Variants in PTPRD observed in about 807,000 individuals in gnomAD.
PTPRD encodes the protein receptor-type tyrosine-protein phosphatase delta.
A neutral mutation model predicts 214.5 loss-of-function variants in PTPRD; 34 were observed. The ratio of observed to expected loss-of-function variants is 0.16; its 90% CI spans 0.12 to 0.21. The LOEUF (loss-of-function observed/expected upper bound fraction) is 0.21. Among genes scored for constraint, PTPRD ranks in the 10% least tolerant of loss-of-function variants. The pLI is 1.00. For missense variants in PTPRD, 2,545 were observed against 2,398.7 expected (o/e 1.06, Z -1.27); for synonymous variants, 1,128 against 845.7 (o/e 1.33, Z -5.79).
chr9:9,667,379 A>C (rs1010417324), intron 7 of PTPRD, among the ~76,000 whole-genome samples: 2 of 152,132 alleles, frequency 1.3e-5, no homozygotes, highest in Non-Finnish European at 2.9e-5. Flanking sequence ...GTGCTCAACT[A>C]CTGAATAGGC....
intron 8 of PTPRD, among the ~76,000 whole-genome samples, chr9:9,553,848 T>G (rs728936): frequency 0.16 from 24,790 of 151,962 alleles, 2,206 homozygotes; most frequent in Middle Eastern, 0.2. Context: ...CATTCTCACG[T>G]ATCAGTTACT....
chr9:9,041,175 A>T (rs1590317232), intron 10 of PTPRD, among the ~76,000 whole-genome samples: 1 of 147,710 alleles, frequency 6.8e-6, no homozygotes, highest in Non-Finnish European at 1.5e-5. Context: ...TGAAAATATT[A>T]AAAAAATATA....
At chr9:9,491,897 C>T (rs2154210340) in intron 8 of PTPRD, among the ~76,000 whole-genome samples, 1 of 151,798 alleles carries the variant, frequency 6.6e-6, no homozygotes, top group South Asian at 2.1e-4. Flanking sequence ...CAGTAAAGAG[C>T]AGAGATCAAT....
At chr9:10,312,467 G>A (rs915342387) in intron 3 of PTPRD, among the ~76,000 whole-genome samples, 2 of 151,694 alleles carry the variant, frequency 1.3e-5, no homozygotes, top group Non-Finnish European at 2.9e-5. Flanking sequence ...GATTAGAAAC[G>A]GATTTTCAAT....
intron 11 of PTPRD, among the ~76,000 whole-genome samples, chr9:8,857,116 TC>T (rs1231480547): frequency 6.6e-6 from 1 of 151,970 alleles, no homozygotes; most frequent in African/African-American, 2.4e-5. Flanking sequence ...TCCCAAACAA[TC>T]CCCCTCCTCT....
intron 10 of PTPRD, among the ~76,000 whole-genome samples, chr9:9,071,673 T>G (rs2154409954): frequency 6.6e-6 from 1 of 152,142 alleles, no homozygotes; most frequent in Middle Eastern, 3.4e-3. Flanking sequence ...GAAGAAAAAT[T>G]TTCCCCAATC....
At chr9:9,775,323 G>C (rs1260049796) in intron 5 of PTPRD, among the ~76,000 whole-genome samples, 4 of 152,152 alleles carry the variant, frequency 2.6e-5, no homozygotes, top group African/African-American at 9.7e-5. Flanking sequence ...CTGGTTCCTT[G>C]TGAATTTTAA....
rs548306843 is a variant in PTPRD at position 9,611,343 on chromosome 9, AT to A, written c.-286-36563del. 2.2e-3 allele frequency among the ~76,000 whole-genome samples: 339 copies of A among 152,308 alleles called. 1 individual carries two copies. The highest frequency in any genetic ancestry group is 7.7e-3 in the African/African-American group (322 of 41,572). ...ATACACATATCTCCACCAGCAGTGA[AT>A]GAAGAGCATTGATGCTGACCATTAT... On this transcript the variant is annotated intron_variant, in intron 7 of 45. Coordinates refer to ENST00000381196, the MANE Select transcript of PTPRD (RefSeq NM_002839.4).
intron 3 of PTPRD, among the ~76,000 whole-genome samples, chr9:10,250,117 T>C (rs1271271130): frequency 6.6e-6 from 1 of 152,174 alleles, no homozygotes; most frequent in Admixed American, 6.5e-5. Context: ...TAGTATGTAT[T>C]ATCTGAGGAT....
chr9:9,735,763 C>T (rs999515316), intron 6 of PTPRD, among the ~76,000 whole-genome samples: 1 of 152,120 alleles, frequency 6.6e-6, no homozygotes, highest in South Asian at 2.1e-4. Flanking sequence ...GATGATCTAT[C>T]TCTTAGAAAC....
chr9:10,251,315 C>A (rs890329863), intron 3 of PTPRD, among the ~76,000 whole-genome samples: 8 of 152,082 alleles, frequency 5.3e-5, no homozygotes, highest in African/African-American at 1.9e-4. Context: ...GAATCTCTAC[C>A]TTTCACAGAT....
At chr9:8,785,520 C>G (rs547925960) in intron 11 of PTPRD, among the ~76,000 whole-genome samples, 2 of 152,136 alleles carry the variant, frequency 1.3e-5, no homozygotes, top group African/African-American at 4.8e-5. Flanking sequence ...TAATGTGAAT[C>G]GCCTTACTAT....
chr9:9,108,987 C>A (rs1382151579), intron 10 of PTPRD, among the ~76,000 whole-genome samples: 2 of 152,174 alleles, frequency 1.3e-5, no homozygotes. Context: ...CTCCCCCACT[C>A]TTTGCAAAGT....
At chr9:9,901,201 C>T (rs947939379) in intron 5 of PTPRD, among the ~76,000 whole-genome samples, 1 of 152,198 alleles carries the variant, frequency 6.6e-6, no homozygotes, top group East Asian at 1.9e-4. Flanking sequence ...TCGGACTAGC[C>T]TTTAGCAGCC....
chr9:10,030,757 C>T (rs980221129), intron 4 of PTPRD, among the ~76,000 whole-genome samples: 2 of 152,084 alleles, frequency 1.3e-5, no homozygotes, highest in African/African-American at 4.8e-5. Flanking sequence ...TGAACACTGC[C>T]CATGGATTAT....
At chr9:10,509,470 C>CATCTATCCATCTATCTATCTATCT (rs1555449733) in intron 2 of PTPRD, among the ~76,000 whole-genome samples, 26 of 138,120 alleles carry the variant, frequency 1.9e-4, no homozygotes, top group Non-Finnish European at 3.5e-4. Flanking sequence ...TTGATTGATC[C>CATCTATCCATCTATCTATCTATCT]ATCTATCTAT....
chr9:9,140,680 G>A (rs533400078), intron 10 of PTPRD, among the ~76,000 whole-genome samples: 23 of 152,346 alleles, frequency 1.5e-4, no homozygotes, highest in Admixed American at 9.8e-4. Context: ...CCGGGTTCAC[G>A]CCATTCTCCT....
chr9:8,353,356 CGGCTTCTTAAACTCA>C (rs1471020684), intron 39 of PTPRD, among the ~76,000 whole-genome samples: 2 of 152,202 alleles, frequency 1.3e-5, no homozygotes, highest in South Asian at 4.2e-4. Flanking sequence ...GCTTCTGATC[CGGCTTCTTAAACTCA>C]TGGGTTTCTG....
intron 5 of PTPRD, among the ~76,000 whole-genome samples, chr9:9,908,081 A>C (rs74524822): frequency 0.059 from 362 of 6,168 alleles, 4 homozygotes; most frequent in Non-Finnish European, 0.16. Flanking sequence ...CATTAAGACA[A>C]AAAAAAAAAT....
Sources: gnomAD v4.1 joint callset for allele counts (sites outside exome capture counted in the v4.1 genomes callset) on GRCh38, gnomAD v4.1.1 for gene constraint, MANE v1.5 for transcripts, NCBI Gene and HGNC (gene_info 2026-07-23, HGNC 2026-07-21) for gene names.